The following PLXNA4 variants were observed in gnomAD, a reference collection of about 807,000 sequenced individuals.
The protein encoded by PLXNA4 is plexin A4.
A neutral mutation model predicts 191.8 loss-of-function variants in PLXNA4; 44 were observed. The observed-to-expected ratio is 0.23, with a 90% CI of 0.18 to 0.29. The LOEUF is 0.29. Ranked by LOEUF, PLXNA4 falls within the 10% of genes least tolerant of loss-of-function variation. The pLI is 1.00. For synonymous variants in PLXNA4, 1,082 were observed against 1,009.5 expected (o/e 1.07, Z -1.36); for missense variants, 1,800 against 2,488.8 (o/e 0.72, Z 5.89).
chr7:132,341,588 C>T (rs1384927544), intron 3 of PLXNA4, among the ~76,000 whole-genome samples: 1 of 152,204 alleles, frequency 6.6e-6, no homozygotes, highest in Non-Finnish European at 1.5e-5. Context: ...TCAGCACACT[C>T]ACACCTTCTA....
intron 3 of PLXNA4, among the ~76,000 whole-genome samples, chr7:132,298,651 A>T (rs1801195496): frequency 6.6e-6 from 1 of 152,252 alleles, no homozygotes; most frequent in Non-Finnish European, 1.5e-5. Context: ...CAGTGTAAGG[A>T]TGGGAACTGC....
chr7:132,180,825 C>T (rs990585798), intron 18 of PLXNA4, 93 bp from the exon 19 acceptor site: 23 of 1,526,912 alleles, frequency 1.5e-5, no homozygotes, highest in African/African-American at 1.1e-4. Context: ...GGTCCCATCC[C>T]GCTGGTGAGC....
intron 1 of PLXNA4, among the ~76,000 whole-genome samples, chr7:132,552,085 C>T (rs1393969835): frequency 1.3e-5 from 2 of 152,146 alleles, no homozygotes; most frequent in East Asian, 3.9e-4. Context: ...AAGATGCAGC[C>T]GAAGTTGACA....
chr7:132,281,925 A>G (rs191820048), intron 4 of PLXNA4, among the ~76,000 whole-genome samples: 227 of 152,326 alleles, frequency 1.5e-3, no homozygotes, highest in African/African-American at 5.3e-3. Flanking sequence ...TTGTTTTTAT[A>G]ACATTGATAA....
chr7:132,411,830 T>C (rs1794470424), intron 3 of PLXNA4, among the ~76,000 whole-genome samples: 1 of 152,188 alleles, frequency 6.6e-6, no homozygotes, highest in African/African-American at 2.4e-5. Flanking sequence ...TTCACATCGA[T>C]ATTTATGCTT....
chr7:132,432,715 G>A (rs2117202723), intron 3 of PLXNA4, among the ~76,000 whole-genome samples: 1 of 152,280 alleles, frequency 6.6e-6, no homozygotes, highest in East Asian at 1.9e-4. Context: ...CATTTGGATA[G>A]TGCGTTCACT....
chr7:132,520,000 T>C lies in PLXNA4; in HGVS notation c.-86-11221A>G, dbSNP rs142973611. ...AGGCTTCACAGAACACAGGCTATCA[T>C]TGAGGTTGGGAAGTTTCCACAAACA... On this transcript the variant is annotated intron_variant, in intron 1 of 31. Coordinates refer to ENST00000321063, the MANE Select transcript of PLXNA4 (RefSeq NM_020911.2). Among the ~76,000 whole-genome samples the C allele has an allele frequency of 2.8e-3, 433 of 152,274 alleles. 1 individual carries two copies. The highest frequency in any genetic ancestry group is 0.01 in the Middle Eastern group (3 of 294).
intron 1 of PLXNA4, among the ~76,000 whole-genome samples, chr7:132,521,132 A>T (rs1799161313): frequency 6.6e-6 from 1 of 151,474 alleles, no homozygotes; most frequent in Non-Finnish European, 1.5e-5. Flanking sequence ...TCTTGGCAGA[A>T]ATCTCCACTG....
At chr7:132,244,365 A>G (rs935562310) in intron 4 of PLXNA4, among the ~76,000 whole-genome samples, 9 of 152,338 alleles carry the variant, frequency 5.9e-5, no homozygotes, top group African/African-American at 2.2e-4. Context: ...GTCTACCTTC[A>G]AGAAAACTTT....
chr7:132,176,466 G>A (rs1003546846), intron 20 of PLXNA4, among the ~76,000 whole-genome samples: 2 of 152,252 alleles, frequency 1.3e-5, no homozygotes, highest in Non-Finnish European at 2.9e-5. Flanking sequence ...GTGGGAACAT[G>A]TGCATGAGCA....
At chr7:132,347,163 T>A (rs1048922482) in intron 3 of PLXNA4, among the ~76,000 whole-genome samples, 3 of 152,166 alleles carry the variant, frequency 2.0e-5, no homozygotes, top group African/African-American at 7.2e-5. Context: ...GTGGAATAAC[T>A]TGGATTAAAT....
chr7:132,464,635 A>C (rs1030228577), intron 3 of PLXNA4, among the ~76,000 whole-genome samples: 2 of 152,252 alleles, frequency 1.3e-5, no homozygotes, highest in Non-Finnish European at 2.9e-5. Flanking sequence ...ATGTAACCCG[A>C]GATTCACATG....
intron 4 of PLXNA4, among the ~76,000 whole-genome samples, chr7:132,285,606 C>A (rs1233382449): frequency 6.6e-6 from 1 of 152,100 alleles, no homozygotes; most frequent in Non-Finnish European, 1.5e-5. Context: ...CCCTTTTATA[C>A]CTATATTGCA....
chr7:132,344,736 T>TTGCCA (rs999638875), intron 3 of PLXNA4, among the ~76,000 whole-genome samples: 2 of 152,244 alleles, frequency 1.3e-5, no homozygotes, highest in African/African-American at 4.8e-5. Flanking sequence ...CCTCGAAGTG[T>TTGCCA]TGTCATGTCA....
intron 25 of PLXNA4, among the ~76,000 whole-genome samples, chr7:132,153,313 G>C (rs1021974411): frequency 3.9e-5 from 6 of 152,110 alleles, no homozygotes; most frequent in Non-Finnish European, 8.8e-5. Flanking sequence ...AGTTAAGAAA[G>C]ATCCAGCATG....
At chr7:132,362,186 G>T (rs1803971546) in intron 3 of PLXNA4, among the ~76,000 whole-genome samples, 1 of 152,216 alleles carries the variant, frequency 6.6e-6, no homozygotes, top group South Asian at 2.1e-4. Context: ...AAGATGGGAA[G>T]AGCAAGATGG....
chr7:132,585,082 G>A (rs912153688), intron 2 of PLXNA4, among the ~76,000 whole-genome samples: 1 of 152,156 alleles, frequency 6.6e-6, no homozygotes, highest in African/African-American at 2.4e-5. Context: ...CCCAGAGAAT[G>A]AGACTTCATC....
chr7:132,586,697 G>A (rs1802511802), intron 2 of PLXNA4, among the ~76,000 whole-genome samples: 1 of 152,192 alleles, frequency 6.6e-6, no homozygotes, highest in African/African-American at 2.4e-5. Flanking sequence ...AGGTTGCAGT[G>A]AGCCGAGATG....
At chr7:132,410,374 T>C (rs1794404839) in intron 3 of PLXNA4, among the ~76,000 whole-genome samples, 3 of 152,164 alleles carry the variant, frequency 2.0e-5, no homozygotes, top group Non-Finnish European at 4.4e-5. Flanking sequence ...AGAGACACTT[T>C]TCCTGACTTC....
Sources: gnomAD v4.1 joint callset for allele counts (sites outside exome capture counted in the v4.1 genomes callset) on GRCh38, gnomAD v4.1.1 for gene constraint, MANE v1.5 for transcripts, NCBI Gene and HGNC (gene_info 2026-07-23, HGNC 2026-07-21) for gene names.